ADAMTS12: variants seen among roughly 807,000 people sequenced by gnomAD.
ADAMTS12 encodes ADAM metallopeptidase with thrombospondin type 1 motif 12.
A neutral mutation model predicts 167.8 loss-of-function variants in ADAMTS12; 118 were observed. That is an observed-to-expected ratio of 0.70 (90% CI 0.61 to 0.82). The LOEUF (loss-of-function observed/expected upper bound fraction) is 0.82. ADAMTS12 is among the 40% of genes least tolerant of loss of function. The pLI, the probability that ADAMTS12 is intolerant of heterozygous loss-of-function variation, is 0.00. For synonymous variants in ADAMTS12, 704 were observed against 716.9 expected, an observed-to-expected ratio of 0.98 and a Z score of 0.29; for missense variants, 1,916 against 1,998.8, an observed-to-expected ratio of 0.96 and a Z score of 0.79.
intron 3 of ADAMTS12, among the ~76,000 whole-genome samples, chr5:33,705,746 T>C (rs550353365): frequency 4.6e-5 from 7 of 152,118 alleles, no homozygotes; most frequent in South Asian, 2.1e-4. Flanking sequence ...GAGGCAGAGA[T>C]TGCAGTGAGC....
At chr5:33,571,767 T>C (rs1313505377) in intron 19 of ADAMTS12, among the ~76,000 whole-genome samples, 2 of 148,902 alleles carry the variant, frequency 1.3e-5, no homozygotes, top group African/African-American at 5.0e-5. Flanking sequence ...CTGAAGGAAA[T>C]AGAGACACAA....
intron 3 of ADAMTS12, among the ~76,000 whole-genome samples, chr5:33,685,712 A>T (rs2112266372): frequency 6.6e-6 from 1 of 152,328 alleles, no homozygotes; most frequent in East Asian, 1.9e-4. Context: ...TCCTGTGAAG[A>T]TTTAAAAATG....
At chr5:33,761,621 T>G (rs964897775) in intron 2 of ADAMTS12, among the ~76,000 whole-genome samples, 5 of 152,164 alleles carry the variant, frequency 3.3e-5, no homozygotes, top group Non-Finnish European at 5.9e-5. Flanking sequence ...AAAGAAAGAT[T>G]TGCCTTCCTA....
At chr5:33,863,904 A>G (rs1173825347) in intron 2 of ADAMTS12, among the ~76,000 whole-genome samples, 2 of 152,230 alleles carry the variant, frequency 1.3e-5, no homozygotes, top group Non-Finnish European at 1.5e-5. Flanking sequence ...AATGTCACAC[A>G]TCTACAACCA....
At chr5:33,811,091 C>T (rs72741472) in intron 2 of ADAMTS12, among the ~76,000 whole-genome samples, 21,252 of 152,128 alleles carry the variant, frequency 0.14, 1,731 homozygotes, top group Non-Finnish European at 0.18. Flanking sequence ...TTGGACTCTA[C>T]GCACTAGTTT....
chr5:33,636,718 TA>T (rs1284056208), intron 12 of ADAMTS12, among the ~76,000 whole-genome samples: 1 of 152,236 alleles, frequency 6.6e-6, no homozygotes, highest in African/African-American at 2.4e-5. Context: ...AGCTATTTTT[TA>T]CTACCTTGCC....
chr5:33,582,283 T>A (rs1178019062), intron 18 of ADAMTS12, among the ~76,000 whole-genome samples: 1 of 152,180 alleles, frequency 6.6e-6, no homozygotes, highest in East Asian at 1.9e-4. Flanking sequence ...AGGCTACTGA[T>A]GCCTGGGAAG....
At chr5:33,624,975 C>G (rs1366052841) in intron 13 of ADAMTS12, among the ~76,000 whole-genome samples, 2 of 152,166 alleles carry the variant, frequency 1.3e-5, no homozygotes, top group Non-Finnish European at 2.9e-5. Flanking sequence ...CACCTCAAAT[C>G]TACTCAAAGG....
intron 18 of ADAMTS12, among the ~76,000 whole-genome samples, chr5:33,583,362 A>T (rs184350332): frequency 9.9e-5 from 15 of 152,266 alleles, no homozygotes; most frequent in Admixed American, 9.2e-4. Flanking sequence ...CACCATGCAT[A>T]TGCACCACAT....
intron 3 of ADAMTS12, among the ~76,000 whole-genome samples, chr5:33,685,301 A>C (rs955245590): frequency 2.0e-5 from 3 of 152,202 alleles, no homozygotes; most frequent in African/African-American, 7.2e-5. Context: ...TCTATTGGGA[A>C]ATTCTCGACT....
At chr5:33,880,414 G>A (rs901677936) in intron 2 of ADAMTS12, among the ~76,000 whole-genome samples, 1 of 152,174 alleles carries the variant, frequency 6.6e-6, no homozygotes, top group Non-Finnish European at 1.5e-5. Context: ...CGGTTCTTCA[G>A]CCATACAGTA....
At chr5:33,871,416 A>G (rs996518901) in intron 2 of ADAMTS12, among the ~76,000 whole-genome samples, 1 of 152,190 alleles carries the variant, frequency 6.6e-6, no homozygotes, top group South Asian at 2.1e-4. Context: ...GAAAACTACA[A>G]AAGAATATCT....
chr5:33,549,266 A>G lies in ADAMTS12; in HGVS notation c.4243T>C (p.Leu1415=), dbSNP rs992406623. Residue 1415 remains leucine, a synonymous_variant, in exon 21 of 24, where the codon TTG becomes CTG. Transcript: ENST00000504830. Reference sequence around the variant, plus strand: ...GGCTCCGGGTTACAGCTCATGCTCAATGGGGGAGGAATGCCGGCCAGGAAC... The same window carrying G: ...GGCTCCGGGTTACAGCTCATGCTCAGTGGGGGAGGAATGCCGGCCAGGAAC... ...CQFLAGIPPP[L]SMSCNPEPCE... is the part of the protein sequence containing the mutation. The G allele has an allele frequency of 1.2e-5, 19 of 1,613,950 alleles. No homozygotes were observed. The highest frequency in any genetic ancestry group is 2.7e-5 in the African/African-American group (2 of 74,880).
At chr5:33,631,503 G>A (rs1179165290) in intron 12 of ADAMTS12, among the ~76,000 whole-genome samples, 2 of 152,104 alleles carry the variant, frequency 1.3e-5, no homozygotes, top group Non-Finnish European at 2.9e-5. Flanking sequence ...AAGCCAACCT[G>A]CTTATCATAG....
chr5:33,553,415 A>G (rs940632421), intron 20 of ADAMTS12, among the ~76,000 whole-genome samples: 1 of 152,234 alleles, frequency 6.6e-6, no homozygotes, highest in African/African-American at 2.4e-5. Flanking sequence ...ACATGTACGC[A>G]TATGTTCATT....
At chr5:33,872,472 G>A (rs1056202440) in intron 2 of ADAMTS12, among the ~76,000 whole-genome samples, 5 of 151,898 alleles carry the variant, frequency 3.3e-5, no homozygotes, top group Non-Finnish European at 5.9e-5. Flanking sequence ...GCTTGAACTC[G>A]GGAGGCAGAG....
chr5:33,617,428 C>T (rs1283797484), intron 14 of ADAMTS12, among the ~76,000 whole-genome samples: 1 of 152,112 alleles, frequency 6.6e-6, no homozygotes, highest in Non-Finnish European at 1.5e-5. Flanking sequence ...GAATAATTTG[C>T]TCTGAAACTG....
intron 2 of ADAMTS12, among the ~76,000 whole-genome samples, chr5:33,759,461 T>G (rs2112405669): frequency 6.6e-6 from 1 of 152,336 alleles, no homozygotes; most frequent in East Asian, 1.9e-4. Context: ...AGTTTCCTCA[T>G]CTGTAAAATG....
At chr5:33,709,151 A>G (rs1263841371) in intron 3 of ADAMTS12, among the ~76,000 whole-genome samples, 1 of 152,214 alleles carries the variant, frequency 6.6e-6, no homozygotes, top group Non-Finnish European at 1.5e-5. Flanking sequence ...AACCACAATG[A>G]GATACCATCT....
Sources: allele counts gnomAD v4.1 joint callset (sites outside exome capture counted in the v4.1 genomes callset), GRCh38; gene constraint gnomAD v4.1.1; transcripts MANE v1.5; gene names NCBI Gene and HGNC (gene_info 2026-07-23, HGNC 2026-07-21).